The following FXR1 variants were observed in gnomAD, a reference collection of about 807,000 sequenced individuals.
FXR1 encodes RNA-binding protein FXR1.
Under a neutral mutation model 84.0 loss-of-function variants are expected in FXR1, and 15 were observed. The ratio of observed to expected loss-of-function variants is 0.18; its 90% CI spans 0.12 to 0.27. FXR1 has a LOEUF of 0.27. FXR1 is among the 10% of genes least tolerant of loss of function. The pLI is 1.00. For missense variants in FXR1, 480 were observed against 774.4 expected (o/e 0.62, Z 4.51); for synonymous variants, 245 against 250.7 (o/e 0.98, Z 0.21).
rs556663833 is a variant in FXR1, at chr3:180,933,590, G to A, written c.104+204G>A. ...TGTCACTTTTTTCATAACCCTCTTC[G>A]CCAGAACATGTATGGATATGAATCA... On this transcript the variant is annotated intron_variant, in intron 2 of 16. Transcript: ENST00000357559. 3.3e-5 allele frequency among the ~76,000 whole-genome samples: 5 copies of A among 152,108 alleles called. No individual in the cohort carries two copies. The South Asian group carries it at 8.3e-4, about 25-fold the overall frequency.
At chr3:180,974,943 C>A (rs944518223) in intron 15 of FXR1, among the ~76,000 whole-genome samples, 1 of 101,382 alleles carries the variant, frequency 9.9e-6, no homozygotes. Flanking sequence ...ATTCCCCCCT[C>A]CCCCCGACTC....
At chr3:180,975,492 C>T (rs1193451525) in intron 16 of FXR1, 88 bp downstream of exon 16, 2 of 519,480 alleles carry the variant, frequency 3.9e-6, no homozygotes, top group Non-Finnish European at 6.9e-6. Context: ...ACTGTGTGAT[C>T]ACTTGTTTCC....
intron 1 of FXR1, among the ~76,000 whole-genome samples, chr3:180,920,451 A>G (rs1223049351): frequency 6.6e-6 from 1 of 151,908 alleles, no homozygotes. Context: ...ACAAAACTTT[A>G]TGCATGCATA....
intron 1 of FXR1, among the ~76,000 whole-genome samples, chr3:180,928,589 A>G (rs2108437008): frequency 6.6e-6 from 1 of 151,542 alleles, no homozygotes; most frequent in East Asian, 1.9e-4. Flanking sequence ...ATTTATATTT[A>G]TTAGAGCTTC....
In FXR1 at chr3:180,982,219, C is replaced by T. The variant is rs560199501; in HGVS notation, c.*5927C>T. 2.0e-5 allele frequency: 3 copies of T among 152,138 alleles called. No individual in the cohort carries two copies. The South Asian group carries it at 6.2e-4, about 32-fold the overall frequency. 9.4% of individuals were successfully genotyped at this position (152,138 alleles called of 1,614,324 possible). On this transcript the variant is annotated 3_prime_UTR_variant, in exon 17 of 17. Transcript: ENST00000357559. The stretch of plus-strand genomic sequence containing the variant: ...AGTCTACTGAGATAAGGGAAGAATA[C>T]TTAGCACAGTGCTAGTACACTGTAA...
chr3:180,927,880 A>G (rs932308918), intron 1 of FXR1: 2 of 377,662 alleles, frequency 5.3e-6, no homozygotes, highest in Non-Finnish European at 9.4e-6. Context: ...TCACCTAAGA[A>G]TATTTGAATT....
At chr3:180,949,510 C>T (rs114003277) in intron 7 of FXR1, among the ~76,000 whole-genome samples, 167 bp downstream of exon 7, 188 of 152,286 alleles carry the variant, frequency 1.2e-3, no homozygotes, top group African/African-American at 4.3e-3. Context: ...CCTCAGCCTC[C>T]GTGTAGCTGG....
At chr3:180,914,948 G>A (rs528516739) in intron 1 of FXR1, 13 of 984,368 alleles carry the variant, frequency 1.3e-5, no homozygotes, top group Non-Finnish European at 1.6e-5. Context: ...TGAGAATGGC[G>A]GAGTGGAAAA....
intron 8 of FXR1, among the ~76,000 whole-genome samples, chr3:180,953,109 C>T (rs1185765217): frequency 2.0e-5 from 3 of 152,124 alleles, no homozygotes; most frequent in Non-Finnish European, 2.9e-5. Context: ...TCCCAAAGTG[C>T]AGGGATTACA....
In FXR1 at chr3:180,947,880, A is replaced by G; in HGVS notation, c.214A>G (p.Asn72Asp). Residue 72 changes from asparagine (N) to aspartate (D), a missense_variant, in exon 4 of 17, where the codon AAT becomes GAT. Transcript: ENST00000357559. The part of the protein sequence containing the change: ...GDEVEVYSRA[N>D]DQEPCGWWLA... ...TTCTTCTCAGGTATATTCAAGAGCA[A>G]ATGACCAAGAGCCATGTGGGTGGTG... The G allele has an allele frequency of 6.2e-7, 1 of 1,606,092 alleles. No homozygotes were observed. Among genetic ancestry groups the G allele is most frequent in the Non-Finnish European group, 8.5e-7 (1 of 1,174,136 alleles).
chr3:180,917,025 G>A (rs187248304), intron 1 of FXR1, among the ~76,000 whole-genome samples: 2 of 151,892 alleles, frequency 1.3e-5, no homozygotes, highest in African/African-American at 4.8e-5. Context: ...TAGTAGAGAC[G>A]GAGTTTCACC....
At chr3:180,937,966 T>C (rs1233477380) in intron 3 of FXR1, among the ~76,000 whole-genome samples, 1 of 152,194 alleles carries the variant, frequency 6.6e-6, no homozygotes, top group Non-Finnish European at 1.5e-5. Context: ...ATAAAGGACA[T>C]ATTTAAGTTG....
chr3:180,924,162 T>C (rs1461139288), intron 1 of FXR1, among the ~76,000 whole-genome samples: 1 of 152,078 alleles, frequency 6.6e-6, no homozygotes, highest in Non-Finnish European at 1.5e-5. Context: ...TTTCGCCATG[T>C]TGGCCTCGAA....
intron 1 of FXR1, among the ~76,000 whole-genome samples, chr3:180,920,818 GTTT>G (rs896458041): frequency 2.6e-5 from 4 of 152,098 alleles, no homozygotes; most frequent in African/African-American, 7.2e-5. Flanking sequence ...GCCCAGAATA[GTTT>G]TGGGTGGCCA....
chr3:180,962,650 C>T (rs922665793), intron 11 of FXR1, among the ~76,000 whole-genome samples: 3 of 152,048 alleles, frequency 2.0e-5, no homozygotes, highest in African/African-American at 7.2e-5. Context: ...TCCATGTCTT[C>T]TTTTATATTG....
At chr3:180,913,725 G>T (rs962690201) in intron 1 of FXR1, among the ~76,000 whole-genome samples, 3 of 152,054 alleles carry the variant, frequency 2.0e-5, no homozygotes, top group Non-Finnish European at 4.4e-5. Flanking sequence ...CCCGAAATAC[G>T]CCAGGTTGTT....
intron 13 of FXR1, 39 bp from the exon 14 acceptor site, chr3:180,968,012 A>C: frequency 7.6e-7 from 1 of 1,307,298 alleles, no homozygotes; most frequent in East Asian, 2.3e-5. Context: ...AAGGCTTTTT[A>C]TAGAAATCTA....
chr3:180,964,386 A>G (rs868080261), intron 13 of FXR1, among the ~76,000 whole-genome samples: 8 of 152,230 alleles, frequency 5.3e-5, no homozygotes, highest in South Asian at 2.1e-4. Flanking sequence ...GAATAATTTT[A>G]TTAGCTTTTG....
intron 1 of FXR1, among the ~76,000 whole-genome samples, chr3:180,929,624 T>C (rs1719646478): frequency 6.6e-6 from 1 of 152,232 alleles, no homozygotes; most frequent in South Asian, 2.1e-4. Flanking sequence ...CCCCCTGCCA[T>C]GTGCAGACAA....
Sources: gnomAD v4.1 joint callset for allele counts (sites outside exome capture counted in the v4.1 genomes callset) on GRCh38, gnomAD v4.1.1 for gene constraint, MANE v1.5 for transcripts, NCBI Gene and HGNC (gene_info 2026-07-23, HGNC 2026-07-21) for gene names.